ERMP1: variants seen among roughly 807,000 people sequenced by gnomAD.
ERMP1 encodes the protein Felix-ina.
Under a neutral mutation model 92.0 loss-of-function variants are expected in ERMP1, and 86 were observed. That is an observed-to-expected ratio of 0.93 (90% CI 0.79 to 1.12). The LOEUF is 1.12. ERMP1 is among the 50% of genes most tolerant of loss of function. ERMP1 has a pLI of 0.00. For synonymous variants in ERMP1, 530 were observed against 412.8 expected, an observed-to-expected ratio of 1.28 and a Z score of -3.44; for missense variants, 1,342 against 1,116.3, an observed-to-expected ratio of 1.20 and a Z score of -2.88.
rs142358221 is a variant in ERMP1 at position 5,839,975 on chromosome 9, C to T, written n.3200-6663G>A. ...AGAAAGTCTAGGCCGGGCACGGTGG[C>T]TCACGCCTGTAATCTCAGCACTTTG... On this transcript the variant is annotated intron_variant and non_coding_transcript_variant, in intron 6 of 6. Transcript: ENST00000690753. Among the ~76,000 whole-genome samples the T allele has an allele frequency of 3.2e-3, 491 of 152,282 alleles. 2 individuals are homozygous for T. The highest frequency in any genetic ancestry group is 0.012 in the African/African-American group (479 of 41,562).
At chr9:5,834,259 T>C (rs1324026798), upstream of ERMP1, among the ~76,000 whole-genome samples, 1 of 152,220 alleles carries the variant, frequency 6.6e-6, no homozygotes, top group African/African-American at 2.4e-5. Context: ...CATTGTCTTT[T>C]TAACTCCTAG....
At chr9:5,836,989 C>T (rs1275646537), upstream of ERMP1, among the ~76,000 whole-genome samples, 1 of 152,122 alleles carries the variant, frequency 6.6e-6, no homozygotes, top group African/African-American at 2.4e-5. Context: ...TCTAGGTAGG[C>T]ACAGAGAAGT....
chr9:5,850,129 T>C (rs937441541), intron 6 of ERMP1, among the ~76,000 whole-genome samples: 1 of 152,148 alleles, frequency 6.6e-6, no homozygotes, highest in African/African-American at 2.4e-5. Context: ...CTTTACACTC[T>C]GTGGACTAGT....
intron 6 of ERMP1, among the ~76,000 whole-genome samples, chr9:5,839,096 C>T (rs1012940576): frequency 7.9e-5 from 12 of 152,106 alleles, no homozygotes; most frequent in African/African-American, 2.9e-4. Context: ...TGGATGTGAT[C>T]CAGGAGGGGA....
chr9:5,854,340 A>C (rs963789204), intron 6 of ERMP1, among the ~76,000 whole-genome samples: 7 of 152,232 alleles, frequency 4.6e-5, no homozygotes, highest in African/African-American at 1.4e-4. Context: ...TCTTCTATTC[A>C]GTCTAGGCAT....
intron 11 of ERMP1, 139 bp downstream of exon 11, chr9:5,801,037 G>T: frequency 1.4e-6 from 1 of 728,526 alleles, no homozygotes; most frequent in Non-Finnish European, 2.2e-6. Flanking sequence ...TCTCCTCACT[G>T]CCTTACACAC....
chr9:5,792,960 A>G (rs1363504856), intron 13 of ERMP1, among the ~76,000 whole-genome samples: 1 of 152,210 alleles, frequency 6.6e-6, no homozygotes, highest in Non-Finnish European at 1.5e-5. Context: ...GGAATGAGGT[A>G]AAATAAAAAC....
intron 4 of ERMP1, among the ~76,000 whole-genome samples, chr9:5,818,755 G>A (rs1332369356): frequency 6.6e-6 from 1 of 151,786 alleles, no homozygotes; most frequent in African/African-American, 2.4e-5. Context: ...AGATGACTTA[G>A]ATTTATGTCA....
Position 5,786,535 on chromosome 9 carries a change from A to C in ERMP1, c.*609T>G, listed in dbSNP as rs944159700. On this transcript the variant is annotated 3_prime_UTR_variant, in exon 15 of 15. Coordinates refer to ENST00000339450, the MANE Select transcript of ERMP1 (RefSeq NM_024896.3). ...CCACTTGTCAGGACAGTGAGTCACC[A>C]GCTCAGCACAGGGTCCAGGCCTCAG... 6.5e-6 allele frequency: 1 copy of C among 152,694 alleles called. No homozygotes were observed. Among genetic ancestry groups the C allele is most frequent in the African/African-American group, 2.4e-5 (1 of 41,468 alleles). The allele number at this position is 152,694 out of a possible 1,614,324, so 9.5% of individuals were successfully genotyped here.
chr9:5,802,535 C>T (rs923801401), intron 10 of ERMP1, among the ~76,000 whole-genome samples: 4 of 152,132 alleles, frequency 2.6e-5, no homozygotes, highest in Admixed American at 6.5e-5. Context: ...CAAGTGTGCA[C>T]CACCGTGCTC....
chr9:5,838,372 T>C (rs1830118191), intron 6 of ERMP1, among the ~76,000 whole-genome samples: 1 of 151,856 alleles, frequency 6.6e-6, no homozygotes, highest in African/African-American at 2.4e-5. Flanking sequence ...CAAGACCCCA[T>C]CTCTACAAAA....
At chr9:5,851,061 C>A (rs1338758331) in intron 6 of ERMP1, among the ~76,000 whole-genome samples, 1 of 152,196 alleles carries the variant, frequency 6.6e-6, no homozygotes, top group Non-Finnish European at 1.5e-5. Context: ...TCTTTTAGAC[C>A]CTTCAGAACA....
intron 6 of ERMP1, among the ~76,000 whole-genome samples, chr9:5,852,246 C>CA (rs1830318401): frequency 6.9e-6 from 1 of 144,944 alleles, no homozygotes. Context: ...AGGTAAGCAG[C>CA]AGAGTGTTTT....
chr9:5,817,060 G>A (rs538290165), intron 4 of ERMP1, among the ~76,000 whole-genome samples: 15 of 151,546 alleles, frequency 9.9e-5, no homozygotes, highest in Admixed American at 5.3e-4. Flanking sequence ...CAATATGCCC[G>A]GGTAATTTTT....
chr9:5,812,267 C>T lies in ERMP1; in HGVS notation c.1022-50G>A, dbSNP rs148326570. ...AAAGTCATTTTGCTTTAAAGATCAA[C>T]CTTGCTTTCGACCTATTTCTTTAAT... On this transcript the variant is annotated intron_variant, in intron 5 of 14. Transcript: ENST00000339450. 2.4e-4 allele frequency: 274 copies of T among 1,136,798 alleles called. No individual in the cohort carries two copies. In the African/African-American group the frequency reaches 3.9e-3, roughly 16 times the overall value. The allele number at this position is 1,136,798 out of a possible 1,614,324, so 70.4% of individuals were successfully genotyped here. A position where few individuals can be genotyped will look rare whatever the true frequency, so the allele number is the denominator to read the frequency against.
intron 11 of ERMP1, among the ~76,000 whole-genome samples, chr9:5,799,540 A>AC (rs1312283278): frequency 1.3e-5 from 2 of 152,206 alleles, no homozygotes; most frequent in African/African-American, 4.8e-5. Flanking sequence ...AACAAAAAAA[A>AC]ACACTGCATA....
At chr9:5,827,748 C>A (rs1327857423) in intron 2 of ERMP1, among the ~76,000 whole-genome samples, 1 of 151,584 alleles carries the variant, frequency 6.6e-6, no homozygotes, top group East Asian at 1.9e-4. Context: ...ACCCGGGAGG[C>A]GGAGGTTGCA....
At position 5,786,151 on chromosome 9, in the gene ERMP1, A is replaced by AAGAT. The variant is rs1176562805; in HGVS notation, c.*989_*992dup. The AAGAT allele has an allele frequency of 2.0e-5, 3 of 152,210 alleles. No homozygotes were observed. Among genetic ancestry groups the AAGAT allele is most frequent in the East Asian group, 1.9e-4 (1 of 5,200 alleles). The allele number at this position is 152,210 out of a possible 1,614,324, so 9.4% of individuals were successfully genotyped here. On this transcript the variant is annotated 3_prime_UTR_variant, in exon 15 of 15. Transcript: ENST00000339450. The stretch of plus-strand genomic sequence containing the variant: ...TCTATTCAACTGGCTGGAAAACAAA[A>AAGAT]AGATAGGCCCAGTGCATCAGTAAGA...
intron 6 of ERMP1, among the ~76,000 whole-genome samples, chr9:5,845,518 C>CTGAT (rs756417130): frequency 1.3e-4 from 20 of 152,186 alleles, no homozygotes; most frequent in Admixed American, 2.6e-4. Flanking sequence ...AAACTAACTC[C>CTGAT]TGATTGATTG....
Sources: gnomAD v4.1 joint callset for allele counts (sites outside exome capture counted in the v4.1 genomes callset) on GRCh38, gnomAD v4.1.1 for gene constraint, MANE v1.5 for transcripts, NCBI Gene and HGNC (gene_info 2026-07-23, HGNC 2026-07-21) for gene names.